DCAF15: variants seen among roughly 807,000 people sequenced by gnomAD.
The protein encoded by DCAF15 is DDB1 and CUL4 associated factor 15, also known as DDB1- and CUL4-associated factor 15.
DCAF15 carries 24 observed loss-of-function variants against 68.0 expected under a neutral mutation model. That is an observed-to-expected ratio of 0.35 (90% confidence interval 0.26 to 0.50). The LOEUF is 0.50. Ranked by LOEUF, DCAF15 falls within the 20% of genes least tolerant of loss-of-function variation. DCAF15 has a pLI of 0.98. For missense variants in DCAF15, 627 were observed against 830.6 expected (o/e 0.75, Z 3.01); for synonymous variants, 376 against 341.6 (o/e 1.10, Z -1.11).
Position 13,954,381 on chromosome 19 carries a change from T to G in DCAF15, c.174T>G (p.Pro58=), listed in dbSNP as rs747277782. The change falls in exon 2 of 13, where the codon CCT becomes CCG. Residue 58 remains proline (P), a synonymous_variant. Coordinates refer to ENST00000254337, the MANE Select transcript of DCAF15 (RefSeq NM_138353.4). The part of the protein sequence containing the change: ...QLSPRLFRKL[P]PRVCVSLKNI... ...CCCCTCGCCTCTTCCGGAAGCTGCC[T>G]CCCCGGGTGTGCGTGTCCCTCAAGA... 2 of 1,612,988 alleles carry G rather than the reference T, an allele frequency of 1.2e-6. No individual in the cohort carries two copies. The highest frequency in any genetic ancestry group is 8.5e-7 in the Non-Finnish European group (1 of 1,179,810).
rs555442890 is a variant in DCAF15 at position 13,960,498 on chromosome 19, C to T, written c.1665C>T (p.Cys555=). The stretch of plus-strand genomic sequence containing the variant: ...TCTGGAGCTCCTACCGCAAGAGCTG[C>T]GTGGACATGGTCATGAAGTGGCTGG... The part of the protein sequence containing the change: ...GSVWSSYRKS[C]VDMVMKWLVP... Residue 555 remains cysteine, a synonymous_variant, in exon 12 of 13, where the codon TGC becomes TGT. Coordinates refer to ENST00000254337, the MANE Select transcript of DCAF15 (RefSeq NM_138353.4). The T allele has an allele frequency of 1.2e-5, 19 of 1,611,390 alleles. No individual in the cohort carries two copies. Among genetic ancestry groups the T allele is most frequent in the East Asian group, 4.5e-5 (2 of 44,816 alleles).
chr19:13,955,862 G>T (rs1442942029), intron 3 of DCAF15, 50 bp from the exon 4 acceptor site: 5 of 1,591,886 alleles, frequency 3.1e-6, no homozygotes, highest in Non-Finnish European at 2.6e-6. Flanking sequence ...AGCTTCGGGG[G>T]ACCTCCGCAG....
Position 13,960,042 on chromosome 19 carries a change from C to G in DCAF15, c.1499C>G (p.Pro500Arg), listed in dbSNP as rs950893697. The G allele has an allele frequency of 1.9e-6, 3 of 1,613,708 alleles. No individual in the cohort carries two copies. Among genetic ancestry groups the G allele is most frequent in the African/African-American group, 2.7e-5 (2 of 74,932 alleles). Residue 500 changes from proline (P) to arginine (R), a missense_variant, in exon 10 of 13, where the codon CCG becomes CGG. Physicochemically the swap from Pro to Arg is moderately radical, Grantham distance 103. Around this residue, in one of 3 missense-constraint regions of DCAF15, gnomAD observed 118 missense variants for 211.8 expected, o/e 0.56. Coordinates refer to ENST00000254337, the MANE Select transcript of DCAF15 (RefSeq NM_138353.4). ...ATTGGCCTGCTGCTCCTGGCCTTCCCGTCCCCCACTGAGGAGGGCCAGCTC... is the reference window on the plus strand; with the variant it reads ...ATTGGCCTGCTGCTCCTGGCCTTCCGGTCCCCCACTGAGGAGGGCCAGCTC... ...INIGLLLLAF[P>R]SPTEEGQLRP... is the part of the protein sequence containing the mutation.
Position 13,959,894 on chromosome 19 carries a change from A to AGGTGGGCCCAGGGCGCGCAG in DCAF15, c.1440+14_1440+15insCGCAGGGTGGGCCCAGGGCG, listed in dbSNP as rs1973531467. ...AGCGACTATGACATCGTCATTCTGG[A>AGGTGGGCCCAGGGCGCGCAG]GGTGGGCCCAGGGCGGGCAGGGTGG... is the stretch of plus-strand genomic sequence containing the variant. On this transcript the variant is annotated frameshift_variant and splice_region_variant, in exon 9 of 13. Transcript: ENST00000254337. LOFTEE classifies it high-confidence loss of function. 2 of 1,500,220 alleles carry AGGTGGGCCCAGGGCGCGCAG rather than the reference A, an allele frequency of 1.3e-6. No individual in the cohort carries two copies. Among genetic ancestry groups the AGGTGGGCCCAGGGCGCGCAG allele is most frequent in the Non-Finnish European group, 1.8e-6 (2 of 1,097,974 alleles). The allele number at this position is 1,500,220 out of a possible 1,614,324, so 92.9% of individuals were successfully genotyped here.
chr19:13,960,433 C>T (rs1394714263), intron 11 of DCAF15, 32 bp from the exon 12 acceptor site: 14 of 1,611,998 alleles, frequency 8.7e-6, no homozygotes, highest in South Asian at 3.3e-5. Flanking sequence ...GCGGCCAAGG[C>T]GACGAGAGCC....
chr19:13,959,009 C>G (rs753816483), intron 6 of DCAF15, 36 bp from the exon 7 acceptor site: 4 of 1,547,158 alleles, frequency 2.6e-6, no homozygotes, highest in Admixed American at 2.0e-5. Flanking sequence ...TGGGAGCACC[C>G]CAGACTGACA....
At position 13,960,453 on chromosome 19, in the gene DCAF15, CT is replaced by C; in HGVS notation, c.1632-11del. On this transcript the variant is annotated splice_polypyrimidine_tract_variant and intron_variant, in intron 11 of 12. Transcript: ENST00000254337. ...CAAGGCGACGAGAGCCACTCACCCCCTGGCCCCGCAGCGGCAGTGTCTGGAG... is the reference window on the plus strand; with the variant it reads ...CAAGGCGACGAGAGCCACTCACCCCCGGCCCCGCAGCGGCAGTGTCTGGAG... 6.2e-7 allele frequency: 1 copy of C among 1,611,902 alleles called. No homozygotes were observed. Among genetic ancestry groups the C allele is most frequent in the Non-Finnish European group, 8.5e-7 (1 of 1,179,080 alleles).
At chr19:13,957,580 GAATCTAT>G (rs1265016117) in intron 6 of DCAF15, among the ~76,000 whole-genome samples, 3 of 152,170 alleles carry the variant, frequency 2.0e-5, no homozygotes, top group Non-Finnish European at 4.4e-5. Flanking sequence ...GAAACACAAG[GAATCTAT>G]AACTGGAACC....
chr19:13,959,989 C>T lies in DCAF15; in HGVS notation c.1446C>T (p.Cys482=). ...SDYDIVILEV[C]PETNQVLINI... is the part of the protein sequence containing the mutation. ...TCATCCACCCCCACCCCCAGGTCTG[C>T]CCAGAAACCAACCAGGTCCTCATCA... is the stretch of plus-strand genomic sequence containing the variant. Residue 482 remains cysteine (C), a synonymous_variant, in exon 10 of 13, where the codon TGC becomes TGT. Coordinates refer to ENST00000254337, the MANE Select transcript of DCAF15 (RefSeq NM_138353.4). 6.2e-7 allele frequency: 1 copy of T among 1,613,944 alleles called. No individual in the cohort carries two copies. Among genetic ancestry groups the T allele is most frequent in the Non-Finnish European group, 8.5e-7 (1 of 1,179,980 alleles).
chr19:13,961,363 C>T lies in DCAF15; in HGVS notation c.*368C>T. ...GACCCCATTCCCCCTGCCCTGCCCG[C>T]CCCCAGCCTCCCCACCCAGGCCGGC... On this transcript the variant is annotated 3_prime_UTR_variant, in exon 13 of 13. Transcript: ENST00000254337. 1 of 265,074 alleles carries T rather than the reference C, an allele frequency of 3.8e-6. No homozygotes were observed. The highest frequency in any genetic ancestry group is 8.0e-5 in the East Asian group (1 of 12,460). 16.4% of individuals were successfully genotyped at this position (265,074 alleles called of 1,614,324 possible).
intron 10 of DCAF15, 79 bp from the exon 11 acceptor site, chr19:13,960,208 A>C: frequency 6.4e-7 from 1 of 1,564,780 alleles, no homozygotes; most frequent in Non-Finnish European, 8.8e-7. Flanking sequence ...CCAAAGACAA[A>C]AGGCCCTCAG....
At chr19:13,958,977 C>T in intron 6 of DCAF15, 68 bp from the exon 7 acceptor site, 2 of 1,519,970 alleles carry the variant, frequency 1.3e-6, no homozygotes, top group South Asian at 2.6e-5. Context: ...TTCTGAAAAC[C>T]CCTGGGGACA....
chr19:13,960,736 C>T, intron 12 of DCAF15, among the ~76,000 whole-genome samples, 156 bp downstream of exon 12: 1 of 152,190 alleles, frequency 6.6e-6, no homozygotes, highest in Non-Finnish European at 1.5e-5. Flanking sequence ...AGTGTGGGGC[C>T]TGGGAGCCTC....
In DCAF15 at chr19:13,959,789, A is replaced by G; in HGVS notation, c.1334A>G (p.Gln445Arg). The G allele has an allele frequency of 6.2e-7, 1 of 1,612,438 alleles. No individual in the cohort carries two copies. The highest frequency in any genetic ancestry group is 8.5e-7 in the Non-Finnish European group (1 of 1,179,824). The part of the protein sequence containing the change: ...AVQGQYLTVE[Q>R]LTLDFEYVIN... ...CAGGGCCAGTACCTGACAGTGGAGC[A>G]GCTCACACTAGACTTCGAATATGTT... is the stretch of plus-strand genomic sequence containing the variant. The change falls in exon 9 of 13, where the codon CAG becomes CGG. Residue 445 changes from glutamine to arginine, a missense_variant. Gln to Arg is a conservative substitution (Grantham distance 43). Coordinates refer to ENST00000254337, the MANE Select transcript of DCAF15 (RefSeq NM_138353.4).
chr19:13,960,719 C>A, intron 12 of DCAF15, 139 bp downstream of exon 12: 1 of 1,027,822 alleles, frequency 9.7e-7, no homozygotes, highest in Non-Finnish European at 1.4e-6. Flanking sequence ...AGCTCAGCAG[C>A]CCTGAAAGTG....
At chr19:13,954,059 A>G (rs1195327055) in intron 1 of DCAF15, among the ~76,000 whole-genome samples, 1 of 152,132 alleles carries the variant, frequency 6.6e-6, no homozygotes, top group Non-Finnish European at 1.5e-5. Context: ...GGGGGCGGTG[A>G]CGCTGGGCTC....
intron 6 of DCAF15, 22 bp from the exon 7 acceptor site, chr19:13,959,023 C>T (rs984251205): frequency 4.5e-6 from 7 of 1,561,184 alleles, no homozygotes; most frequent in Non-Finnish European, 6.1e-6. Flanking sequence ...ACTGACACTT[C>T]TCCACCCCCA....
At chr19:13,955,349 A>G (rs139942687) in intron 3 of DCAF15, among the ~76,000 whole-genome samples, 2,932 of 152,350 alleles carry the variant, frequency 0.019, 100 homozygotes, top group African/African-American at 0.061. Context: ...AGAACCTGCG[A>G]GGTGGAGGTT....
chr19:13,960,295 C>A lies in DCAF15; in HGVS notation c.1535C>A (p.Thr512Asn), dbSNP rs1386994475. The change falls in exon 11 of 13, where the codon ACC becomes AAC. Residue 512 changes from threonine to asparagine, a missense_variant. Thr to Asn is a moderately conservative substitution (Grantham distance 65, BLOSUM62 0). This residue lies in a region of DCAF15 where 118 missense variants were observed against 211.8 expected (regional missense o/e 0.56). Transcript: ENST00000254337. ...GTCCCTCTCCACTGTAGACCAAAGA[C>A]CTATCACACCAGCCTCAAGGTGGCA... is the stretch of plus-strand genomic sequence containing the variant. Reference protein sequence around the residue: ...PTEEGQLRPKTYHTSLKVAWD... With the variant: ...PTEEGQLRPKNYHTSLKVAWD... 1 of 1,614,000 alleles carries A rather than the reference C, an allele frequency of 6.2e-7. No individual in the cohort carries two copies. Among genetic ancestry groups the A allele is most frequent in the South Asian group, 1.1e-5 (1 of 91,084 alleles).
Sources: allele counts gnomAD v4.1 joint callset (sites outside exome capture counted in the v4.1 genomes callset), GRCh38; gene constraint gnomAD v4.1.1; regional missense constraint gnomAD v4.1.1; transcripts MANE v1.5; gene names NCBI Gene and HGNC (gene_info 2026-07-23, HGNC 2026-07-21).